The following PPP2R2B variants were observed in gnomAD, a reference collection of about 807,000 sequenced individuals.
PPP2R2B encodes serine/threonine-protein phosphatase 2A 55 kDa regulatory subunit B beta isoform.
A neutral mutation model predicts 46.0 loss-of-function variants in PPP2R2B; 5 were observed. The observed-to-expected ratio is 0.11, with a 90% confidence interval of 0.06 to 0.23. PPP2R2B has a LOEUF of 0.23. Among genes scored for constraint, PPP2R2B ranks in the 10% least tolerant of loss-of-function variants. The pLI, the probability that PPP2R2B is intolerant of heterozygous loss-of-function variation, is 1.00. For missense variants in PPP2R2B, 367 were observed against 575.0 expected (o/e 0.64, Z 3.70); for synonymous variants, 215 against 206.7 (o/e 1.04, Z -0.34).
At chr5:147,002,743 G>C (rs1754237563) in intron 1 of PPP2R2B, among the ~76,000 whole-genome samples, 1 of 148,644 alleles carries the variant, frequency 6.7e-6, no homozygotes, top group Admixed American at 6.7e-5. Context: ...GACCATTGCG[G>C]GTTCTCGGGC....
rs35127306 is a variant in PPP2R2B at position 146,912,238 on chromosome 5, C to CAAAAA, written c.79+143422_79+143426dup. Among the ~76,000 whole-genome samples, 470 of 56,582 alleles carry CAAAAA rather than the reference C, an allele frequency of 8.3e-3. 18 individuals carry two copies. Among genetic ancestry groups the CAAAAA allele is most frequent in the East Asian group, 0.042 (76 of 1,792 alleles). The allele number at this position is 56,582 out of a possible 152,430, so 37.1% of individuals were successfully genotyped here. On this transcript the variant is annotated intron_variant, in intron 1 of 8. Coordinates refer to the PPP2R2B transcript ENST00000336640. ...TGGGTGATAGAGTGAGGCTCCGTCT[C>CAAAAA]AAAAAAAAAAAAAAAAAAAAAAAGT...
intron 2 of PPP2R2B, among the ~76,000 whole-genome samples, chr5:146,845,315 T>TTTTTTTTTTTTTTTG (rs1759924138): frequency 8.0e-6 from 1 of 125,504 alleles, no homozygotes; most frequent in African/African-American, 2.9e-5. Flanking sequence ...CTTTTTTTTG[T>TTTTTTTTTTTTTTTG]TTTTTTTTGA....
chr5:146,776,656 A>G lies in PPP2R2B; in HGVS notation c.71-75514T>C, dbSNP rs11948170. On this transcript the variant is annotated intron_variant, in intron 2 of 9. Transcript: ENST00000394411. ...ACAAAAATATATAAAATTGGACTTCACCGAAATAAAAATTTCTGTATATCA... is the reference window on the plus strand; with the variant it reads ...ACAAAAATATATAAAATTGGACTTCGCCGAAATAAAAATTTCTGTATATCA... Among the ~76,000 whole-genome samples, 259 of 152,206 alleles carry G rather than the reference A, an allele frequency of 1.7e-3. 1 individual carries two copies. Among genetic ancestry groups the G allele is most frequent in the African/African-American group, 6.0e-3 (251 of 41,584 alleles).
intron 2 of PPP2R2B, among the ~76,000 whole-genome samples, chr5:146,723,842 C>T (rs894029452): frequency 6.6e-6 from 1 of 152,112 alleles, no homozygotes; most frequent in Non-Finnish European, 1.5e-5. Context: ...AAGCTCCTCC[C>T]CCTCTTGGAG....
intron 2 of PPP2R2B, among the ~76,000 whole-genome samples, chr5:146,806,011 G>C (rs1286404754): frequency 6.6e-6 from 1 of 152,156 alleles, no homozygotes; most frequent in Non-Finnish European, 1.5e-5. Flanking sequence ...TCAAGAAAAA[G>C]GCCAACTCTT....
intron 7 of PPP2R2B, among the ~76,000 whole-genome samples, chr5:146,622,430 C>T (rs1773764160): frequency 1.3e-5 from 2 of 152,158 alleles, no homozygotes; most frequent in South Asian, 2.1e-4. Context: ...GTTACCCACA[C>T]CTGGGCTTGT....
At chr5:146,867,290 A>T (rs994217027) in intron 2 of PPP2R2B, among the ~76,000 whole-genome samples, 3 of 152,200 alleles carry the variant, frequency 2.0e-5, no homozygotes, top group African/African-American at 7.2e-5. Context: ...GGTCTTTGTC[A>T]TTTGGGGGAC....
intron 1 of PPP2R2B, among the ~76,000 whole-genome samples, chr5:146,936,695 C>T (rs935546092): frequency 6.6e-6 from 1 of 151,956 alleles, no homozygotes; most frequent in Non-Finnish European, 1.5e-5. Flanking sequence ...CATTTCATTT[C>T]GTTTAGCCCC....
At chr5:146,937,026 G>A (rs1028292347) in intron 1 of PPP2R2B, among the ~76,000 whole-genome samples, 2 of 152,176 alleles carry the variant, frequency 1.3e-5, no homozygotes, top group Admixed American at 6.5e-5. Context: ...ACTAGGCTAG[G>A]TGTGGTTGCT....
At chr5:146,647,593 T>C (rs1399545719) in intron 6 of PPP2R2B, among the ~76,000 whole-genome samples, 1 of 152,232 alleles carries the variant, frequency 6.6e-6, no homozygotes, top group Non-Finnish European at 1.5e-5. Context: ...GTCACACATC[T>C]GCAGAATATA....
At chr5:147,073,670 C>A (rs947201950) in intron 2 of PPP2R2B, among the ~76,000 whole-genome samples, 1 of 152,156 alleles carries the variant, frequency 6.6e-6, no homozygotes, top group Non-Finnish European at 1.5e-5. Context: ...ATCTTCTCTG[C>A]TCTTAGAATT....
In PPP2R2B at chr5:146,979,162, G is replaced by A. The variant is rs144126405; in HGVS notation, c.79+76503C>T. On this transcript the variant is annotated intron_variant, in intron 1 of 8. Transcript: ENST00000336640. ...CTACCTGAGTGCCTTTATACTTGCT[G>A]TTTCCTTGGCCTGAAACACATTTCT... Among the ~76,000 whole-genome samples the A allele has an allele frequency of 3.8e-4, 58 of 152,178 alleles. 1 individual carries two copies. Among genetic ancestry groups the A allele is most frequent in the African/African-American group, 1.3e-3 (56 of 41,528 alleles).
intron 2 of PPP2R2B, among the ~76,000 whole-genome samples, chr5:146,744,030 C>T (rs1164396222): frequency 1.3e-5 from 2 of 151,950 alleles, no homozygotes; most frequent in South Asian, 2.1e-4. Context: ...TTATTCATAC[C>T]ATGCCTGGAA....
upstream of PPP2R2B, chr5:147,056,048 G>A (rs1466871827): frequency 6.0e-6 from 7 of 1,161,480 alleles, no homozygotes; most frequent in Non-Finnish European, 7.5e-6. Flanking sequence ...AGTCCTGCCT[G>A]TAAACACACG....
chr5:146,956,144 G>A (rs1751895074), intron 1 of PPP2R2B, among the ~76,000 whole-genome samples: 2 of 152,034 alleles, frequency 1.3e-5, no homozygotes, highest in African/African-American at 4.8e-5. Flanking sequence ...TCATTAGAAA[G>A]CAGAACAAAG....
chr5:147,080,933 G>T, intron 2 of PPP2R2B: 3 of 826,106 alleles, frequency 3.6e-6, no homozygotes, highest in Non-Finnish European at 3.7e-6. Context: ...TCCATTTCTA[G>T]CCTAGAATGC....
chr5:147,016,081 A>T (rs1461477919), intron 1 of PPP2R2B, among the ~76,000 whole-genome samples: 1 of 151,590 alleles, frequency 6.6e-6, no homozygotes, highest in Non-Finnish European at 1.5e-5. Flanking sequence ...CTTGCTAAAA[A>T]GTTGGCCCAG....
At chr5:146,695,044 A>C (rs1779097098) in intron 4 of PPP2R2B, among the ~76,000 whole-genome samples, 1 of 152,096 alleles carries the variant, frequency 6.6e-6, no homozygotes, top group South Asian at 2.1e-4. Context: ...AAACTAAAGA[A>C]GAATCATACA....
At chr5:146,823,576 A>G (rs1388298839) in intron 2 of PPP2R2B, among the ~76,000 whole-genome samples, 12 of 152,218 alleles carry the variant, frequency 7.9e-5, no homozygotes, top group African/African-American at 2.9e-4. Context: ...CAAGTAGTTT[A>G]ATTTCGAGAA....
Sources: allele counts gnomAD v4.1 joint callset (sites outside exome capture counted in the v4.1 genomes callset), GRCh38; gene constraint gnomAD v4.1.1; transcripts MANE v1.5; gene names NCBI Gene and HGNC (gene_info 2026-07-23, HGNC 2026-07-21).